PCDHGA3: variants seen among roughly 807,000 people sequenced by gnomAD.
PCDHGA3 encodes protocadherin gamma-A3.
In PCDHGA3, 40 loss-of-function variants were observed where a neutral mutation model predicts 58.5. The observed-to-expected ratio is 0.68, with a 90% CI of 0.53 to 0.89. PCDHGA3 has a LOEUF of 0.89. Ranked by LOEUF, PCDHGA3 falls within the 40% of genes least tolerant of loss-of-function variation. PCDHGA3 has a pLI of 0.00. For missense variants in PCDHGA3, 1,223 were observed against 1,195.9 expected (o/e 1.02, Z -0.33); for synonymous variants, 530 against 525.7 (o/e 1.01, Z -0.11).
chr5:141,404,550 C>A (rs372202008), intron 1 of PCDHGA3: 3 of 1,613,768 alleles, frequency 1.9e-6, no homozygotes, highest in Admixed American at 1.7e-5. Flanking sequence ...ATGCAGGTGA[C>A]GGCAAGTGAC....
intron 1 of PCDHGA3, chr5:141,442,378 GGT>G (rs2098320015): frequency 6.6e-6 from 1 of 152,334 alleles, no homozygotes; most frequent in Middle Eastern, 3.4e-3. Context: ...ATTCCTACCA[GGT>G]GTGTGCTTCT....
In PCDHGA3 at chr5:141,489,399, C is replaced by A. The variant is rs2099686689; in HGVS notation, c.2425-5408C>A. On this transcript the variant is annotated intron_variant, in intron 1 of 3. Coordinates refer to ENST00000253812, the MANE Select transcript of PCDHGA3 (RefSeq NM_018916.4). The surrounding 1 kb of genome is among the most constrained non-coding windows in gnomAD (Gnocchi z 4.5). ...TGGGGAATGTTGCTCAGGATCTGGGCTTAAAGATGACAGATCTGTTGAGCC... is the reference window on the plus strand; with the variant it reads ...TGGGGAATGTTGCTCAGGATCTGGGATTAAAGATGACAGATCTGTTGAGCC... 1 of 1,614,024 alleles carries A rather than the reference C, an allele frequency of 6.2e-7. No homozygotes were observed. Among genetic ancestry groups the A allele is most frequent in the African/African-American group, 1.3e-5 (1 of 74,910 alleles).
intron 1 of PCDHGA3, chr5:141,371,272 A>G (rs750507837): frequency 1.9e-6 from 3 of 1,614,026 alleles, no homozygotes; most frequent in Admixed American, 1.7e-5. Context: ...CAACTGTTCA[A>G]GCTGGACAGT....
At chr5:141,398,045 G>A (rs2093604271) in intron 1 of PCDHGA3, 1 of 1,498,158 alleles carries the variant, frequency 6.7e-7, no homozygotes. Flanking sequence ...AAGCCCGTTC[G>A]GAGATCCAAA....
intron 1 of PCDHGA3, chr5:141,383,303 C>A (rs1445366017): frequency 5.0e-6 from 8 of 1,613,892 alleles, no homozygotes; most frequent in Non-Finnish European, 6.8e-6. Flanking sequence ...AGATTCTTGA[C>A]GGAAGAAATA....
chr5:141,389,675 A>C, intron 1 of PCDHGA3: 1 of 1,612,412 alleles, frequency 6.2e-7, no homozygotes, highest in Non-Finnish European at 8.5e-7. Flanking sequence ...CAGACTCAGG[A>C]CACAACGCCT....
At position 141,491,116 on chromosome 5, in the gene PCDHGA3, GGT is replaced by G. The variant is rs2099708409; in HGVS notation, c.2425-3689_2425-3688del. The G allele has an allele frequency of 1.2e-6, 2 of 1,614,178 alleles. No individual in the cohort carries two copies. Among genetic ancestry groups the G allele is most frequent in the Non-Finnish European group, 1.7e-6 (2 of 1,180,024 alleles). On this transcript the variant is annotated intron_variant, in intron 1 of 3. Transcript: ENST00000253812. This position sits in a 1 kb window ranked among gnomAD's most constrained non-coding sequence, Gnocchi z 6.9. Reference sequence around the variant, plus strand: ...ACTGTTCCTCGTGTCTACACACACTGGTGAGGTGCGCACAGCCCGGGCCTTAC... The same window carrying G: ...ACTGTTCCTCGTGTCTACACACACTGGAGGTGCGCACAGCCCGGGCCTTAC...
rs576044355 is a variant in PCDHGA3 at position 141,375,342 on chromosome 5, T to A, written c.2424+28885T>A. 97 of 1,613,798 alleles carry A rather than the reference T, an allele frequency of 6.0e-5. 3 individuals are homozygous for A. In the South Asian group the frequency reaches 9.8e-4, roughly 16 times the overall value. On this transcript the variant is annotated intron_variant, in intron 1 of 3. Transcript: ENST00000253812. Reference sequence around the variant, plus strand: ...CGGGAAGAGGTATTCTTGTACAACATCACTGTGACAGCCACGGACAAAGGA... The same window carrying A: ...CGGGAAGAGGTATTCTTGTACAACAACACTGTGACAGCCACGGACAAAGGA...
rs758674133 is a variant in PCDHGA3 at position 141,371,791 on chromosome 5, C to T, written c.2424+25334C>T. 1.9e-6 allele frequency: 3 copies of T among 1,613,820 alleles called. No homozygotes were observed. In the African/African-American group the frequency reaches 4.0e-5, roughly 22 times the overall value. The stretch of plus-strand genomic sequence containing the variant: ...ACCGTGCATGTAGCTGAGAACAATC[C>T]GCCTGGAGCCTCCATTGCGCATGTC... On this transcript the variant is annotated intron_variant, in intron 1 of 3. Coordinates refer to ENST00000253812, the MANE Select transcript of PCDHGA3 (RefSeq NM_018916.4).
intron 1 of PCDHGA3, chr5:141,350,858 G>A: frequency 9.9e-6 from 16 of 1,614,058 alleles, no homozygotes; most frequent in Non-Finnish European, 1.3e-5. Context: ...TCTAGACAGG[G>A]AACATCAGAG....
intron 1 of PCDHGA3, chr5:141,370,177 C>T: frequency 2.2e-6 from 1 of 462,820 alleles, no homozygotes; most frequent in Non-Finnish European, 3.8e-6. Context: ...GCGCCGGGTG[C>T]CGCTCTTGGC....
chr5:141,427,213 G>A (rs566924176), intron 1 of PCDHGA3: 3 of 456,706 alleles, frequency 6.6e-6, no homozygotes, highest in East Asian at 6.9e-5. Context: ...TTCGAATTTC[G>A]TAGCAGTTAT....
At chr5:141,407,960 C>T in intron 1 of PCDHGA3, 1 of 669,186 alleles carries the variant, frequency 1.5e-6, no homozygotes, top group Non-Finnish European at 2.4e-6. Flanking sequence ...CAGTGCAGAG[C>T]AAGCGCTGAC....
At chr5:141,460,435 A>G (rs1002182353) in intron 1 of PCDHGA3, among the ~76,000 whole-genome samples, 1 of 152,144 alleles carries the variant, frequency 6.6e-6, no homozygotes, top group Admixed American at 6.6e-5. Context: ...GTATGGTGTG[A>G]GGTAACAATG....
intron 2 of PCDHGA3, among the ~76,000 whole-genome samples, chr5:141,498,618 G>A (rs191513899): frequency 1.3e-5 from 2 of 152,220 alleles, no homozygotes; most frequent in East Asian, 3.9e-4. Context: ...TCAGCACTGG[G>A]TCACACTGCC....
rs1047556381 is a variant in PCDHGA3, at chr5:141,344,687, C to T, written c.654C>T (p.Gly218=). The T allele has an allele frequency of 1.2e-6, 2 of 1,613,822 alleles. No homozygotes were observed. The highest frequency in any genetic ancestry group is 2.7e-5 in the African/African-American group (2 of 74,892). ...TTGTCCTGGTTGCCTCTGATGGTGG[C>T]GACCCTGTCCACTCTGGCAACTTGC... is the stretch of plus-strand genomic sequence containing the variant. ...HQLVLVASDG[G]DPVHSGNLHI... Residue 218 remains glycine (G), a synonymous_variant, in exon 1 of 4, where the codon GGC becomes GGT. Coordinates refer to ENST00000253812, the MANE Select transcript of PCDHGA3 (RefSeq NM_018916.4).
chr5:141,375,216 T>A (rs1368760534), intron 1 of PCDHGA3: 1 of 1,614,014 alleles, frequency 6.2e-7, no homozygotes, highest in Admixed American at 1.7e-5. Context: ...GACTCTGGCC[T>A]GAATGGCCTG....
At chr5:141,405,582 C>T in intron 1 of PCDHGA3, 3 of 589,180 alleles carry the variant, frequency 5.1e-6, no homozygotes, top group African/African-American at 1.9e-5. Context: ...GTAGCTGGGA[C>T]TACAGGCCTC....
intron 1 of PCDHGA3, among the ~76,000 whole-genome samples, chr5:141,437,052 T>A (rs986734485): frequency 6.6e-5 from 10 of 152,258 alleles, no homozygotes; most frequent in Non-Finnish European, 1.3e-4. Flanking sequence ...AGAAGGCTGG[T>A]GATCATTATT....
Sources: gnomAD v4.1 joint callset for allele counts (sites outside exome capture counted in the v4.1 genomes callset) on GRCh38, gnomAD v4.1.1 for gene constraint, Gnocchi (gnomAD v3.1) non-coding constraint, MANE v1.5 for transcripts, NCBI Gene and HGNC (gene_info 2026-07-23, HGNC 2026-07-21) for gene names.